CACNA2D1: variants seen among roughly 807,000 people sequenced by gnomAD.
The protein encoded by CACNA2D1 is calcium voltage-gated channel auxiliary subunit alpha2delta 1.
A neutral mutation model predicts 171.5 loss-of-function variants in CACNA2D1; 53 were observed. That is an observed-to-expected ratio of 0.31 (90% CI 0.25 to 0.39). CACNA2D1 has a LOEUF of 0.39. CACNA2D1 is among the 10% of genes least tolerant of loss of function. The probability of loss-of-function intolerance (pLI) is 1.00; values close to 1 mark genes in which losing one functional copy is unlikely to be tolerated. For missense variants in CACNA2D1, 903 were observed against 1,299.8 expected, an observed-to-expected ratio of 0.69 and a Z score of 4.69; for synonymous variants, 442 against 443.1, an observed-to-expected ratio of 1.00 and a Z score of 0.03.
rs1819634137 is a variant in CACNA2D1, at chr7:82,349,773, T to C, written c.96-124A>G. 3.9e-6 allele frequency: 3 copies of C among 774,192 alleles called. No individual in the cohort carries two copies. The Admixed American group carries it at 5.8e-5, about 15-fold the overall frequency. 48.0% of individuals were successfully genotyped at this position (774,192 alleles called of 1,614,324 possible). A position where few individuals can be genotyped will look rare whatever the true frequency, so the allele number is the denominator to read the frequency against. ...GCCCTTAAATTATTCCTCTCCCTCC[T>C]AGCACCGACTATGTCCACCCTTCCA... On this transcript the variant is annotated intron_variant, in intron 1 of 38. Coordinates refer to ENST00000356860, the MANE Select transcript of CACNA2D1 (RefSeq NM_000722.4).
At chr7:82,118,982 C>T (rs1362338339) in intron 5 of CACNA2D1, among the ~76,000 whole-genome samples, 3 of 152,026 alleles carry the variant, frequency 2.0e-5, no homozygotes, top group Non-Finnish European at 4.4e-5. Context: ...TACCATCATA[C>T]TCCATGTCTT....
At chr7:82,062,581 G>A (rs1250615839) in intron 9 of CACNA2D1, among the ~76,000 whole-genome samples, 1 of 144,078 alleles carries the variant, frequency 6.9e-6, no homozygotes, top group African/African-American at 2.7e-5. Context: ...AATTATCTTT[G>A]AGATCAGGTA....
intron 38 of CACNA2D1, among the ~76,000 whole-genome samples, chr7:81,951,969 GT>G (rs774805421): frequency 0.034 from 2,466 of 71,906 alleles, 49 homozygotes; most frequent in Middle Eastern, 0.071. Flanking sequence ...TGTACAAAGT[GT>G]TTTTTTTTTT....
intron 3 of CACNA2D1, among the ~76,000 whole-genome samples, chr7:82,300,791 TTATAAA>T (rs1316710847): frequency 1.3e-5 from 2 of 151,840 alleles, no homozygotes; most frequent in African/African-American, 2.4e-5. Context: ...AACTAAAATA[TTATAAA>T]TATAATAATC....
chr7:82,077,256 C>T (rs1037394697), intron 7 of CACNA2D1, among the ~76,000 whole-genome samples: 2 of 152,166 alleles, frequency 1.3e-5, no homozygotes, highest in African/African-American at 4.8e-5. Context: ...GTACAGCCCC[C>T]TGCCATTTAG....
chr7:82,111,550 T>G lies in CACNA2D1; in HGVS notation c.526+5494A>C, dbSNP rs1287260012. 6.7e-5 allele frequency among the ~76,000 whole-genome samples: 10 copies of G among 148,734 alleles called. No homozygotes were observed. In the East Asian group the frequency reaches 2.0e-3, roughly 30 times the overall value. On this transcript the variant is annotated intron_variant, in intron 6 of 38. Coordinates refer to ENST00000356860, the MANE Select transcript of CACNA2D1 (RefSeq NM_000722.4). ...GAAACCTCTGCCTCCTGGGCTCACA[T>G]GAACCTCCAACCTCTGCCTTCCAAG...
chr7:82,331,856 G>T (rs920667927), intron 3 of CACNA2D1, among the ~76,000 whole-genome samples: 1 of 151,930 alleles, frequency 6.6e-6, no homozygotes, highest in Admixed American at 6.6e-5. Flanking sequence ...AATATAAATC[G>T]AATCATTTTC....
intron 28 of CACNA2D1, 68 bp downstream of exon 28, chr7:81,969,813 G>A (rs749767608): frequency 1.2e-4 from 104 of 838,600 alleles, no homozygotes; most frequent in South Asian, 6.6e-4. Context: ...TTTGGGGGGA[G>A]AGCAGATAGT....
At chr7:82,297,096 A>AAAAAAT (rs1377126136) in intron 3 of CACNA2D1, among the ~76,000 whole-genome samples, 4 of 133,128 alleles carry the variant, frequency 3.0e-5, no homozygotes, top group African/African-American at 1.2e-4. Context: ...AAAAAAAAAA[A>AAAAAAT]ATTAGCCAGG....
chr7:82,094,009 G>A (rs1811553436), intron 6 of CACNA2D1, among the ~76,000 whole-genome samples: 1 of 152,134 alleles, frequency 6.6e-6, no homozygotes, highest in East Asian at 1.9e-4. Context: ...AGTGACTAAT[G>A]AGATATGGTT....
chr7:82,212,288 A>T (rs77007797), intron 3 of CACNA2D1, among the ~76,000 whole-genome samples: 5 of 152,142 alleles, frequency 3.3e-5, no homozygotes, highest in African/African-American at 1.2e-4. Flanking sequence ...TTCAGACATA[A>T]AATGAATCAT....
In CACNA2D1 at chr7:81,991,314, C is replaced by T. The variant is rs1373421926; in HGVS notation, c.1735-68G>A. On this transcript the variant is annotated intron_variant, in intron 20 of 38. Transcript: ENST00000356860. Reference sequence around the variant, plus strand: ...TATGAATATATACGAAAAGTAAAGCCGTAGAATTTACTTATAAATTTTGTA... The same window carrying T: ...TATGAATATATACGAAAAGTAAAGCTGTAGAATTTACTTATAAATTTTGTA... 4.8e-5 allele frequency: 39 copies of T among 820,842 alleles called. 1 individual carries two copies. The highest frequency in any genetic ancestry group is 9.5e-5 in the South Asian group (7 of 73,952). 50.8% of individuals were successfully genotyped at this position (820,842 alleles called of 1,614,324 possible).
At chr7:81,986,529 A>T (rs367789143) in intron 21 of CACNA2D1, among the ~76,000 whole-genome samples, 2 of 151,232 alleles carry the variant, frequency 1.3e-5, no homozygotes, top group African/African-American at 4.9e-5. Flanking sequence ...TCAAAATTTC[A>T]TATGACTATA....
At chr7:82,128,002 C>T (rs1301142517) in intron 5 of CACNA2D1, among the ~76,000 whole-genome samples, 2 of 152,146 alleles carry the variant, frequency 1.3e-5, no homozygotes, top group Non-Finnish European at 2.9e-5. Flanking sequence ...CAGCTCACTG[C>T]AGCCCCGACC....
chr7:82,432,060 T>TAAA (rs1829734716), intron 1 of CACNA2D1, among the ~76,000 whole-genome samples: 1 of 72,980 alleles, frequency 1.4e-5, no homozygotes, highest in Admixed American at 1.1e-4. Context: ...AAAAAAAAAT[T>TAAA]GGAGAGTACT....
chr7:82,181,751 A>G (rs753334008), intron 3 of CACNA2D1, among the ~76,000 whole-genome samples: 1 of 152,242 alleles, frequency 6.6e-6, no homozygotes, highest in Non-Finnish European at 1.5e-5. Flanking sequence ...CACTGGAATG[A>G]TACCCATTCA....
At chr7:82,216,354 A>G (rs1801096454) in intron 3 of CACNA2D1, among the ~76,000 whole-genome samples, 1 of 152,184 alleles carries the variant, frequency 6.6e-6, no homozygotes, top group African/African-American at 2.4e-5. Flanking sequence ...TTTGCAAAGC[A>G]CTGTTGCATT....
intron 5 of CACNA2D1, among the ~76,000 whole-genome samples, chr7:82,126,248 A>G (rs543314416): frequency 6.6e-6 from 1 of 152,242 alleles, no homozygotes; most frequent in African/African-American, 2.4e-5. Flanking sequence ...ATCACACTCT[A>G]TTGCCTCTAC....
intron 3 of CACNA2D1, among the ~76,000 whole-genome samples, chr7:82,221,857 C>A (rs542324417): frequency 2.0e-4 from 30 of 149,394 alleles, no homozygotes; most frequent in African/African-American, 6.9e-4. Flanking sequence ...TATAATATTT[C>A]TTTTTGGGTA....
Sources: allele counts gnomAD v4.1 joint callset (sites outside exome capture counted in the v4.1 genomes callset), GRCh38; gene constraint gnomAD v4.1.1; transcripts MANE v1.5; gene names NCBI Gene and HGNC (gene_info 2026-07-23, HGNC 2026-07-21).